TXLNB: variants seen among roughly 807,000 people sequenced by gnomAD.
TXLNB encodes the protein taxilin beta.
TXLNB carries 37 observed loss-of-function variants against 57.4 expected under a neutral mutation model. The ratio of observed to expected loss-of-function variants is 0.64; its 90% CI spans 0.50 to 0.85. The LOEUF is 0.85. Among genes scored for constraint, TXLNB ranks in the 40% least tolerant of loss-of-function variants. The pLI, the probability that TXLNB is intolerant of heterozygous loss-of-function variation, is 0.00. For synonymous variants in TXLNB, 302 were observed against 309.6 expected, an observed-to-expected ratio of 0.98 and a Z score of 0.26; for missense variants, 848 against 825.6, an observed-to-expected ratio of 1.03 and a Z score of -0.33.
At chr6:139,266,359 G>A (rs984917611) in intron 4 of TXLNB, among the ~76,000 whole-genome samples, 4 of 152,146 alleles carry the variant, frequency 2.6e-5, no homozygotes, top group African/African-American at 9.7e-5. Context: ...TTATCTCAAT[G>A]AATGAGAAGG....
chr6:139,209,621 A>T, the TXLNB span, among the ~76,000 whole-genome samples: 9 of 152,318 alleles, frequency 5.9e-5, no homozygotes, highest in Non-Finnish European at 7.3e-5. Flanking sequence ...TGGGGAAAGG[A>T]TACCCTATTC....
rs1776731575 is a variant in TXLNB, at chr6:139,270,489, G to A, written c.654C>T (p.Cys218=). 2 of 1,614,116 alleles carry A rather than the reference G, an allele frequency of 1.2e-6. No individual in the cohort carries two copies. Among genetic ancestry groups the A allele is most frequent in the Non-Finnish European group, 1.7e-6 (2 of 1,180,008 alleles). ...ILARSKLESL[C]RELQRHNKTL... ...TCTTGTTGTGTCTCTGCAGCTCCCG[G>A]CACAGACTCTCCAATTTGCTTCGAG... is the stretch of plus-strand genomic sequence containing the variant. Residue 218 remains cysteine (C), a synonymous_variant, in exon 4 of 10, where the codon TGC becomes TGT. Transcript: ENST00000358430.
At chr6:139,248,272 C>CAAA (rs59145478) in intron 7 of TXLNB, among the ~76,000 whole-genome samples, 1 of 81,480 alleles carries the variant, frequency 1.2e-5, no homozygotes, top group Non-Finnish European at 2.6e-5. Flanking sequence ...GACTCCGTCT[C>CAAA]AAAAAAAAAA....
chr6:139,276,249 T>G (rs752531793), intron 3 of TXLNB, among the ~76,000 whole-genome samples: 13 of 152,182 alleles, frequency 8.5e-5, no homozygotes, highest in Non-Finnish European at 1.5e-4. Context: ...TAATAAAGTT[T>G]CCCAAACTAT....
Position 139,266,384 on chromosome 6 carries a change from T to C in TXLNB, c.688-3611A>G, listed in dbSNP as rs748774090. 8.3e-4 allele frequency among the ~76,000 whole-genome samples: 127 copies of C among 152,174 alleles called. 1 individual carries two copies. The highest frequency in any genetic ancestry group is 1.1e-3 in the Non-Finnish European group (77 of 67,982). ...GAATGAGAAGGTAGAAAATCTCAGG[T>C]GAGAGGTTACATACAAAAAAAGAAC... On this transcript the variant is annotated intron_variant, in intron 4 of 9. Coordinates refer to ENST00000358430, the MANE Select transcript of TXLNB (RefSeq NM_153235.4).
At chr6:139,260,191 G>T in intron 6 of TXLNB, 127 bp downstream of exon 6, 2 of 1,156,784 alleles carry the variant, frequency 1.7e-6, no homozygotes, top group Non-Finnish European at 1.2e-6. Flanking sequence ...CTGCATTTCA[G>T]CCTGAATGAC....
chr6:139,288,744 G>A lies in TXLNB; in HGVS notation c.156C>T (p.His52=). The A allele has an allele frequency of 6.2e-7, 1 of 1,614,184 alleles. No homozygotes were observed. The highest frequency in any genetic ancestry group is 8.5e-7 in the Non-Finnish European group (1 of 1,180,036). Residue 52 remains histidine (H), a synonymous_variant, in exon 2 of 10, where the codon CAC becomes CAT. Coordinates refer to ENST00000358430, the MANE Select transcript of TXLNB (RefSeq NM_153235.4). The part of the protein sequence containing the change: ...VQPPEKEASV[H]PDISEELNRQ... ...GATTCAGCTCTTCAGAGATATCGGG[G>A]TGCACACTTGCCTCTTTCTCTGGTG...
chr6:139,287,085 G>A (rs1163273421), intron 2 of TXLNB: 1 of 153,016 alleles, frequency 6.5e-6, no homozygotes, highest in African/African-American at 2.4e-5. Flanking sequence ...AACAATGCCT[G>A]TGACATAGAC....
chr6:139,205,931 A>T, the TXLNB span, among the ~76,000 whole-genome samples: 2 of 152,256 alleles, frequency 1.3e-5, no homozygotes, highest in African/African-American at 4.8e-5. Context: ...AGACAAAAGC[A>T]TCAGGTAACG....
chr6:139,166,809 G>T, the TXLNB span: 3 of 1,613,666 alleles, frequency 1.9e-6, no homozygotes, highest in Admixed American at 3.3e-5. Flanking sequence ...CGTTCCCCCG[G>T]TGGCTCCCCG....
At chr6:139,237,424 G>C (rs1276025218), downstream of TXLNB, 2 of 150,760 alleles carry the variant, frequency 1.3e-5, no homozygotes, top group Admixed American at 6.6e-5. Flanking sequence ...AGAATCGCTT[G>C]AACCTGGGAG....
chr6:139,163,155 C>G, the TXLNB span, among the ~76,000 whole-genome samples: 3 of 152,070 alleles, frequency 2.0e-5, no homozygotes, highest in African/African-American at 7.2e-5. Context: ...GATTTTACCC[C>G]CTAGGGGATA....
the TXLNB span, among the ~76,000 whole-genome samples, chr6:139,313,438 GA>G: frequency 9.5e-4 from 138 of 145,976 alleles, no homozygotes; most frequent in Middle Eastern, 7.1e-3. Context: ...ATGGCAGGAA[GA>G]AAAAAAAAAA....
chr6:139,181,468 G>A, the TXLNB span, among the ~76,000 whole-genome samples: 2 of 152,124 alleles, frequency 1.3e-5, no homozygotes, highest in African/African-American at 4.8e-5. Context: ...GACGTCCCAC[G>A]CCTATTAGTC....
chr6:139,161,897 GC>G, the TXLNB span, among the ~76,000 whole-genome samples: 1 of 152,224 alleles, frequency 6.6e-6, no homozygotes, highest in African/African-American at 2.4e-5. Flanking sequence ...AAAGGTCACA[GC>G]CCAGGTGACT....
At chr6:139,164,930 T>A in the TXLNB span, among the ~76,000 whole-genome samples, 15 of 152,156 alleles carry the variant, frequency 9.9e-5, no homozygotes, top group African/African-American at 3.4e-4. Flanking sequence ...ATCTCTACAT[T>A]AGCCCCTTCC....
the TXLNB span, among the ~76,000 whole-genome samples, chr6:139,228,762 G>T: frequency 6.6e-6 from 1 of 152,072 alleles, no homozygotes; most frequent in South Asian, 2.1e-4. Flanking sequence ...ACACTGGATC[G>T]GAGTGGCTTC....
the TXLNB span, among the ~76,000 whole-genome samples, chr6:139,210,685 T>A: frequency 6.6e-6 from 1 of 152,220 alleles, no homozygotes; most frequent in Non-Finnish European, 1.5e-5. Flanking sequence ...GGGCGAGGCA[T>A]CGCCTCACCC....
the TXLNB span, chr6:139,170,113 T>G: frequency 6.6e-6 from 1 of 152,168 alleles, no homozygotes; most frequent in Non-Finnish European, 1.5e-5. Context: ...TTGGGGGTAA[T>G]TTTAGAGGGA....
Sources: allele counts gnomAD v4.1 joint callset (sites outside exome capture counted in the v4.1 genomes callset), GRCh38; gene constraint gnomAD v4.1.1; transcripts MANE v1.5; gene names NCBI Gene and HGNC (gene_info 2026-07-23, HGNC 2026-07-21).